ADAMTS17: variants seen among roughly 807,000 people sequenced by gnomAD.
The protein encoded by ADAMTS17 is A disintegrin and metalloproteinase with thrombospondin motifs 17.
A neutral mutation model predicts 141.5 loss-of-function variants in ADAMTS17; 113 were observed. The ratio of observed to expected loss-of-function variants is 0.80; its 90% CI spans 0.69 to 0.93. The LOEUF (loss-of-function observed/expected upper bound fraction) is 0.93, where lower values mean the gene tolerates loss of function less well. Ranked by LOEUF, ADAMTS17 falls within the 40% of genes least tolerant of loss-of-function variation. The pLI is 0.00. For missense variants in ADAMTS17, 1,659 were observed against 1,517.9 expected, an observed-to-expected ratio of 1.09 and a Z score of -1.54; for synonymous variants, 768 against 630.6, an observed-to-expected ratio of 1.22 and a Z score of -3.27.
intron 3 of ADAMTS17, among the ~76,000 whole-genome samples, chr15:100,328,074 A>T (rs1477779076): frequency 6.6e-6 from 1 of 152,204 alleles, no homozygotes; most frequent in African/African-American, 2.4e-5. Flanking sequence ...GTCCAAGGCT[A>T]TCATAACACA....
At chr15:100,321,317 A>G (rs1052227372) in intron 3 of ADAMTS17, among the ~76,000 whole-genome samples, 3 of 152,238 alleles carry the variant, frequency 2.0e-5, no homozygotes, top group Non-Finnish European at 4.4e-5. Flanking sequence ...AAGAAAAAGC[A>G]TGGTATAGTA....
intron 20 of ADAMTS17, among the ~76,000 whole-genome samples, chr15:99,990,158 C>T (rs548009133): frequency 6.6e-6 from 1 of 152,304 alleles, no homozygotes; most frequent in East Asian, 1.9e-4. Flanking sequence ...GCCTCAGCCT[C>T]CTAAGGAGCT....
chr15:100,116,947 G>A lies in ADAMTS17; in HGVS notation c.1788C>T (p.Pro596=), dbSNP rs1448475492. The A allele has an allele frequency of 1.2e-6, 2 of 1,613,990 alleles. No homozygotes were observed. Among genetic ancestry groups the A allele is most frequent in the African/African-American group, 1.3e-5 (1 of 74,922 alleles). Reference sequence around the variant, plus strand: ...GGAAGCTGGGCAGACCCTTGGGGCAGGGCAGGTTCTCGCAGACCGCATGTT... The same window carrying A: ...GGAAGCTGGGCAGACCCTTGGGGCAAGGCAGGTTCTCGCAGACCGCATGTT... ...SVEHAVCENL[P]CPKGLPSFRD... is the part of the protein sequence containing the mutation. Residue 596 remains proline, a synonymous_variant, in exon 13 of 22, where the codon CCC becomes CCT. Transcript: ENST00000268070.
intron 7 of ADAMTS17, among the ~76,000 whole-genome samples, chr15:100,248,499 C>G (rs2043054865): frequency 6.6e-6 from 1 of 152,198 alleles, no homozygotes; most frequent in Non-Finnish European, 1.5e-5. Context: ...CTTGTCACCT[C>G]CCTCTTCTCA....
chr15:100,097,333 C>A (rs1339743087), intron 14 of ADAMTS17, among the ~76,000 whole-genome samples: 2 of 152,178 alleles, frequency 1.3e-5, no homozygotes, highest in Admixed American at 6.5e-5. Context: ...CTGCCCTGCA[C>A]CCCAGATTAC....
intron 18 of ADAMTS17, among the ~76,000 whole-genome samples, chr15:100,045,944 G>A (rs4965560): frequency 0.25 from 38,141 of 151,866 alleles, 5,061 homozygotes; most frequent in East Asian, 0.49. Context: ...GCAGTGGTGT[G>A]ATCTCAGCTC....
At chr15:100,091,010 C>CAAAAAAAGAAAAAA in intron 15 of ADAMTS17, among the ~76,000 whole-genome samples, 1 of 54,596 alleles carries the variant, frequency 1.8e-5, no homozygotes, top group Non-Finnish European at 3.7e-5. Flanking sequence ...TCCGTCTCAA[C>CAAAAAAAGAAAAAA]AAAAAAAAAA....
At chr15:100,140,145 G>A (rs1402221668) in intron 10 of ADAMTS17, among the ~76,000 whole-genome samples, 2 of 151,930 alleles carry the variant, frequency 1.3e-5, no homozygotes, top group Non-Finnish European at 2.9e-5. Context: ...ACAGGCATGC[G>A]CCACCATGCC....
At chr15:100,242,246 G>A (rs148730030) in intron 7 of ADAMTS17, among the ~76,000 whole-genome samples, 10 of 152,276 alleles carry the variant, frequency 6.6e-5, no homozygotes, top group East Asian at 1.9e-4. Flanking sequence ...TCTTTACACC[G>A]TGAGTCCAGC....
intron 7 of ADAMTS17, among the ~76,000 whole-genome samples, chr15:100,253,882 T>A (rs938827324): frequency 2.0e-5 from 3 of 152,128 alleles, no homozygotes; most frequent in African/African-American, 7.2e-5. Context: ...TGGAACGGCC[T>A]GGTGGCTTTT....
Position 100,155,320 on chromosome 15 carries a change from G to C in ADAMTS17, c.1182C>G (p.Asn394Lys). Residue 394 changes from asparagine (N) to lysine (K), a missense_variant and splice_region_variant, in exon 9 of 22, where the codon AAC becomes AAG. Coordinates refer to ENST00000268070, the MANE Select transcript of ADAMTS17 (RefSeq NM_139057.4). ...AFTIAHELGH[N>K]LGMNHDDDHS... is the part of the protein sequence containing the mutation. ...GGTCATCGTCGTGGTTCATGCCCAA[G>C]CTGTCCAAGAAGGAGGAGAGAGGGA... 1 of 1,613,504 alleles carries C rather than the reference G, an allele frequency of 6.2e-7. No homozygotes were observed. Among genetic ancestry groups the C allele is most frequent in the Non-Finnish European group, 8.5e-7 (1 of 1,179,680 alleles).
At chr15:100,072,668 A>T (rs1349945343) in intron 15 of ADAMTS17, among the ~76,000 whole-genome samples, 1 of 152,218 alleles carries the variant, frequency 6.6e-6, no homozygotes, top group Non-Finnish European at 1.5e-5. Flanking sequence ...AGGATTCCCT[A>T]TTTAATAAAT....
intron 20 of ADAMTS17, among the ~76,000 whole-genome samples, chr15:99,989,636 T>G (rs996359125): frequency 6.6e-6 from 1 of 152,230 alleles, no homozygotes; most frequent in Non-Finnish European, 1.5e-5. Flanking sequence ...GGTCTGTTGG[T>G]AGCTCACCTA....
chr15:100,238,395 C>A (rs1192789895), intron 7 of ADAMTS17, among the ~76,000 whole-genome samples: 1 of 152,196 alleles, frequency 6.6e-6, no homozygotes. Flanking sequence ...GAGCAACGGC[C>A]TTTGTTTGGT....
chr15:100,206,667 T>G (rs1051933823), intron 7 of ADAMTS17, among the ~76,000 whole-genome samples: 19 of 152,116 alleles, frequency 1.2e-4, no homozygotes, highest in African/African-American at 4.1e-4. Context: ...AAGTGTGGTA[T>G]GTTTTGGCTA....
chr15:100,171,995 G>A (rs1441561397), intron 8 of ADAMTS17, among the ~76,000 whole-genome samples: 1 of 152,160 alleles, frequency 6.6e-6, no homozygotes, highest in African/African-American at 2.4e-5. Context: ...TCAGAGGCAA[G>A]CAGACCCACT....
At chr15:100,255,619 C>CACACACACACACACACACACACAA (rs755234545) in intron 6 of ADAMTS17, among the ~76,000 whole-genome samples, 2 of 146,178 alleles carry the variant, frequency 1.4e-5, no homozygotes, top group Non-Finnish European at 3.0e-5. Context: ...TTTTGAGCAA[C>CACACACACACACACACACACACAA]ACACACACAC....
intron 18 of ADAMTS17, among the ~76,000 whole-genome samples, chr15:100,022,725 T>C (rs2061428239): frequency 6.6e-6 from 1 of 152,162 alleles, no homozygotes; most frequent in African/African-American, 2.4e-5. Context: ...TCTGAGTAAA[T>C]TACAGAGAGT....
At chr15:100,249,350 C>T (rs2043081832) in intron 7 of ADAMTS17, among the ~76,000 whole-genome samples, 1 of 152,230 alleles carries the variant, frequency 6.6e-6, no homozygotes, top group African/African-American at 2.4e-5. Context: ...CATCCTCCCG[C>T]CTGGCTGAAG....
Sources: allele counts gnomAD v4.1 joint callset (sites outside exome capture counted in the v4.1 genomes callset), GRCh38; gene constraint gnomAD v4.1.1; transcripts MANE v1.5; gene names NCBI Gene and HGNC (gene_info 2026-07-23, HGNC 2026-07-21).